The following ROM1 variants were observed in gnomAD, a reference collection of about 807,000 sequenced individuals.
ROM1 encodes rod outer segment membrane protein 1.
Under a neutral mutation model 23.0 loss-of-function variants are expected in ROM1, and 17 were observed. The ratio of observed to expected loss-of-function variants is 0.74; its 90% CI spans 0.51 to 1.11. The LOEUF (loss-of-function observed/expected upper bound fraction) is 1.11. Among genes scored for constraint, ROM1 ranks in the 50% least tolerant of loss-of-function variants. ROM1 has a pLI of 0.00. For missense variants in ROM1, 436 were observed against 439.7 expected (o/e 0.99, Z 0.08); for synonymous variants, 200 against 206.5 (o/e 0.97, Z 0.27).
At position 62,615,026 on chromosome 11, in the gene ROM1, G is replaced by A. The variant is rs893185054; in HGVS notation, c.*187G>A. On this transcript the variant is annotated 3_prime_UTR_variant, in exon 3 of 3. Transcript: ENST00000278833. ...CTAGCCCTTGTAGTCAGAACCACCAGGGAACAGCAAAGAACAGAGTGATGG... is the reference window on the plus strand; with the variant it reads ...CTAGCCCTTGTAGTCAGAACCACCAAGGAACAGCAAAGAACAGAGTGATGG... 2 of 605,970 alleles carry A rather than the reference G, an allele frequency of 3.3e-6. No homozygotes were observed. Among genetic ancestry groups the A allele is most frequent in the African/African-American group, 1.9e-5 (1 of 53,978 alleles). 37.5% of individuals were successfully genotyped at this position (605,970 alleles called of 1,614,324 possible).
At position 62,613,350 on chromosome 11, in the gene ROM1, C is replaced by T. The variant is rs1454756918; in HGVS notation, c.69C>T (p.Leu23=). 2 of 1,613,622 alleles carry T rather than the reference C, an allele frequency of 1.2e-6. No homozygotes were observed. Among genetic ancestry groups the T allele is most frequent in the Non-Finnish European group, 1.7e-6 (2 of 1,179,868 alleles). The change falls in exon 1 of 3, where the codon CTC becomes CTT. Residue 23 remains leucine, a synonymous_variant. Transcript: ENST00000278833. ...PRIRLAQGLW[L]LSWLLALAGG... ...TCCGCCTGGCACAAGGGCTCTGGCT[C>T]CTCTCCTGGCTGCTGGCGCTGGCTG...
rs1254644282 is a variant in ROM1, at chr11:62,614,248, C to G, written c.591-10C>G. 1 of 1,614,076 alleles carries G rather than the reference C, an allele frequency of 6.2e-7. No homozygotes were observed. Among genetic ancestry groups the G allele is most frequent in the Admixed American group, 1.7e-5 (1 of 60,020 alleles). Reference sequence around the variant, plus strand: ...CAGACATCCTAACCCCTCTGTCCCTCCCTTTGCAGCCGGATCCAGAGCAAT... The same window carrying G: ...CAGACATCCTAACCCCTCTGTCCCTGCCTTTGCAGCCGGATCCAGAGCAAT... On this transcript the variant is annotated splice_polypyrimidine_tract_variant and intron_variant, in intron 1 of 2. Transcript: ENST00000278833.
Position 62,613,664 on chromosome 11 carries a change from G to A in ROM1, c.383G>A (p.Ser128Asn), listed in dbSNP as rs1942954157. ...GGGCTAGCCCTGGCTTTGCCTGGGA[G>A]TCTGGATGAGGCGCTGGAGGAGGGC... is the stretch of plus-strand genomic sequence containing the variant. ...GLGLALALPG[S>N]LDEALEEGLV... The change falls in exon 1 of 3, where the codon AGT becomes AAT. Residue 128 changes from serine (S) to asparagine (N), a missense_variant. Transcript: ENST00000278833. 1.2e-6 allele frequency: 2 copies of A among 1,613,950 alleles called. No homozygotes were observed. The highest frequency in any genetic ancestry group is 2.2e-5 in the South Asian group (2 of 91,094).
rs2134420528 is a variant in ROM1 at position 62,613,385 on chromosome 11, T to C, written c.104T>C (p.Ile35Thr). The C allele has an allele frequency of 2.5e-6, 4 of 1,613,582 alleles. No individual in the cohort carries two copies. The highest frequency in any genetic ancestry group is 3.4e-6 in the Non-Finnish European group (4 of 1,179,796). The change falls in exon 1 of 3, where the codon ATC becomes ACC. Residue 35 changes from isoleucine (I) to threonine (T), a missense_variant. Transcript: ENST00000278833. ...CTGCTGGCGCTGGCTGGTGGCGTCA[T>C]CCTCCTCTGTAGTGGGCACCTCCTG... The part of the protein sequence containing the change: ...SWLLALAGGV[I>T]LLCSGHLLVQ...
chr11:62,614,166 T>C, intron 1 of ROM1, 92 bp from the exon 2 acceptor site: 1 of 1,487,592 alleles, frequency 6.7e-7, no homozygotes, highest in South Asian at 1.1e-5. Flanking sequence ...TGTTTTACTA[T>C]TCTTTTTCCC....
chr11:62,614,757 A>C lies in ROM1; in HGVS notation c.974A>C (p.Gln325Pro), dbSNP rs753460076. 2.5e-6 allele frequency: 4 copies of C among 1,614,206 alleles called. No homozygotes were observed. The highest frequency in any genetic ancestry group is 3.4e-6 in the Non-Finnish European group (4 of 1,180,018). The change falls in exon 3 of 3, where the codon CAG becomes CCG. Residue 325 changes from glutamine to proline, a missense_variant. Physicochemically the swap from Gln to Pro is moderately conservative, Grantham distance 76. Transcript: ENST00000278833. ...LKDMLKTAWL[Q>P]GGVACRPAPE... is the part of the protein sequence containing the mutation. The stretch of plus-strand genomic sequence containing the variant: ...GATATGCTGAAAACAGCATGGCTAC[A>C]GGGAGGGGTTGCCTGCAGGCCAGCA...
At chr11:62,614,531 C>A (rs1377578968) in intron 2 of ROM1, 27 bp downstream of exon 2, 1 of 1,614,106 alleles carries the variant, frequency 6.2e-7, no homozygotes, top group South Asian at 1.1e-5. Flanking sequence ...TCTGACACCT[C>A]CTCCCACCCG....
intron 1 of ROM1, 21 bp downstream of exon 1, chr11:62,613,892 T>C: frequency 6.2e-7 from 1 of 1,612,776 alleles, no homozygotes; most frequent in Non-Finnish European, 8.5e-7. Flanking sequence ...TGCGTCTCCC[T>C]TCCTCCTCCT....
chr11:62,614,445 C>T lies in ROM1; in HGVS notation c.778C>T (p.His260Tyr). The change falls in exon 2 of 3, where the codon CAC becomes TAC. Residue 260 changes from histidine (H) to tyrosine (Y), a missense_variant. Coordinates refer to ENST00000278833, the MANE Select transcript of ROM1 (RefSeq NM_000327.4). ...AQGCHEVLLE[H>Y]LQDLAGTLGS... ...AGGGTGCCATGAGGTGCTGCTGGAG[C>T]ACTTGCAGGACTTGGCAGGCACACT... 1 of 1,614,200 alleles carries T rather than the reference C, an allele frequency of 6.2e-7. No individual in the cohort carries two copies. The highest frequency in any genetic ancestry group is 8.5e-7 in the Non-Finnish European group (1 of 1,180,040).
In ROM1 at chr11:62,613,755, G is replaced by A; in HGVS notation, c.474G>A (p.Leu158=). The A allele has an allele frequency of 1.9e-6, 3 of 1,614,220 alleles. No homozygotes were observed. The highest frequency in any genetic ancestry group is 2.5e-6 in the Non-Finnish European group (3 of 1,180,026). The change falls in exon 1 of 3, where the codon CTG becomes CTA. Residue 158 remains leucine (L), a synonymous_variant. Coordinates refer to ENST00000278833, the MANE Select transcript of ROM1 (RefSeq NM_000327.4). ...CTGGGCACTGTCAGGCCAAAAGGCTGGTGGATGAGCTGCAACTGAGGTACC... is the reference window on the plus strand; with the variant it reads ...CTGGGCACTGTCAGGCCAAAAGGCTAGTGGATGAGCTGCAACTGAGGTACC... ...EVPGHCQAKR[L]VDELQLRYHC...
rs772150336 is a variant in ROM1 at position 62,613,422 on chromosome 11, G to T, written c.141G>T (p.Arg47Ser). ...GTGGGCACCTCCTGGTCCAGCTAAG[G>T]CACCTTGGCACCTTCCTGGCTCCCT... ...LCSGHLLVQL[R>S]HLGTFLAPSC... Residue 47 changes from arginine to serine, a missense_variant, in exon 1 of 3, where the codon AGG becomes AGT. Coordinates refer to ENST00000278833, the MANE Select transcript of ROM1 (RefSeq NM_000327.4). 1 of 1,613,230 alleles carries T rather than the reference G, an allele frequency of 6.2e-7. No individual in the cohort carries two copies. Among genetic ancestry groups the T allele is most frequent in the Non-Finnish European group, 8.5e-7 (1 of 1,179,610 alleles).
rs755356203 is a variant in ROM1, at chr11:62,613,365, G to C, written c.84G>C (p.Leu28=). The change falls in exon 1 of 3, where the codon CTG becomes CTC. Residue 28 remains leucine (L), a synonymous_variant. Coordinates refer to ENST00000278833, the MANE Select transcript of ROM1 (RefSeq NM_000327.4). Reference sequence around the variant, plus strand: ...GGCTCTGGCTCCTCTCCTGGCTGCTGGCGCTGGCTGGTGGCGTCATCCTCC... The same window carrying C: ...GGCTCTGGCTCCTCTCCTGGCTGCTCGCGCTGGCTGGTGGCGTCATCCTCC... ...AQGLWLLSWL[L]ALAGGVILLC... The C allele has an allele frequency of 6.2e-7, 1 of 1,613,620 alleles. No homozygotes were observed. The highest frequency in any genetic ancestry group is 1.7e-5 in the Admixed American group (1 of 59,970).
intron 1 of ROM1, 89 bp downstream of exon 1, chr11:62,613,960 G>T: frequency 6.3e-7 from 1 of 1,593,142 alleles, no homozygotes; most frequent in Non-Finnish European, 8.5e-7. Flanking sequence ...GCTCAGAGGG[G>T]CAATAAGTAG....
At chr11:62,613,975 T>C (rs1030186161) in intron 1 of ROM1, 104 bp downstream of exon 1, 2 of 1,579,832 alleles carry the variant, frequency 1.3e-6, no homozygotes, top group Middle Eastern at 1.7e-4. Flanking sequence ...AAGTAGAACA[T>C]AGTGGCTGAG....
chr11:62,615,006 C>A lies in ROM1; in HGVS notation c.*167C>A. ...AAAACCAGATGTCCTAGGGCCTAGC[C>A]CTTGTAGTCAGAACCACCAGGGAAC... On this transcript the variant is annotated 3_prime_UTR_variant, in exon 3 of 3. Transcript: ENST00000278833. 1.6e-6 allele frequency: 1 copy of A among 624,524 alleles called. No individual in the cohort carries two copies. Among genetic ancestry groups the A allele is most frequent in the Non-Finnish European group, 2.8e-6 (1 of 357,038 alleles). 38.7% of individuals were successfully genotyped at this position (624,524 alleles called of 1,614,324 possible). A position where few individuals can be genotyped will look rare whatever the true frequency, so the allele number is the denominator to read the frequency against.
chr11:62,614,689 G>T lies in ROM1; in HGVS notation c.906G>T (p.Ala302=), dbSNP rs200213584. 1 of 1,614,200 alleles carries T rather than the reference G, an allele frequency of 6.2e-7. No homozygotes were observed. The highest frequency in any genetic ancestry group is 8.5e-7 in the Non-Finnish European group (1 of 1,180,034). The change falls in exon 3 of 3, where the codon GCG becomes GCT. Residue 302 remains alanine (A), a synonymous_variant. Coordinates refer to ENST00000278833, the MANE Select transcript of ROM1 (RefSeq NM_000327.4). ...AGGGGCTTGGAGGGGTCATTGATGC[G>T]GGAGGAGAGACCCAGGGCTATCTCT... ...ALEGLGGVID[A]GGETQGYLFP... is the part of the protein sequence containing the mutation.
chr11:62,614,938 G>C lies in ROM1; in HGVS notation c.*99G>C. ...CCAGGTTGGGGGGATCGTAGGATTA[G>C]AGGGGCTAAGGATAGTCAGCGAGCT... On this transcript the variant is annotated 3_prime_UTR_variant, in exon 3 of 3. Transcript: ENST00000278833. The C allele has an allele frequency of 2.0e-6, 2 of 1,016,074 alleles. No individual in the cohort carries two copies. The highest frequency in any genetic ancestry group is 3.0e-6 in the Non-Finnish European group (2 of 667,606). 62.9% of individuals were successfully genotyped at this position (1,016,074 alleles called of 1,614,324 possible).
chr11:62,613,925 T>C, intron 1 of ROM1, 54 bp downstream of exon 1: 1 of 1,611,448 alleles, frequency 6.2e-7, no homozygotes, highest in Non-Finnish European at 8.5e-7. Flanking sequence ...ACAGGCTCCC[T>C]CCTGCTGCCT....
rs1310132857 is a variant in ROM1 at position 62,613,430 on chromosome 11, G to A, written c.149G>A (p.Gly50Asp). The change falls in exon 1 of 3, where the codon GGC becomes GAC. Residue 50 changes from glycine (G) to aspartate (D), a missense_variant. Coordinates refer to ENST00000278833, the MANE Select transcript of ROM1 (RefSeq NM_000327.4). ...GHLLVQLRHL[G>D]TFLAPSCQFP... ...CTCCTGGTCCAGCTAAGGCACCTTG[G>A]CACCTTCCTGGCTCCCTCCTGTCAG... The A allele has an allele frequency of 6.2e-7, 1 of 1,613,150 alleles. No individual in the cohort carries two copies. The highest frequency in any genetic ancestry group is 8.5e-7 in the Non-Finnish European group (1 of 1,179,570).
Sources: gnomAD v4.1 joint callset for allele counts on GRCh38, gnomAD v4.1.1 for gene constraint, MANE v1.5 for transcripts, NCBI Gene and HGNC (gene_info 2026-07-23, HGNC 2026-07-21) for gene names.